ERCC4: variants seen among roughly 807,000 people sequenced by gnomAD.
ERCC4 encodes ERCC excision repair 4, endonuclease catalytic subunit, also known as DNA repair endonuclease XPF.
Under a neutral mutation model 76.9 loss-of-function variants are expected in ERCC4, and 65 were observed. The observed-to-expected ratio is 0.84, with a 90% CI of 0.69 to 1.04. The LOEUF (loss-of-function observed/expected upper bound fraction) is 1.04. ERCC4 is among the 50% of genes least tolerant of loss of function. The pLI, the probability that ERCC4 is intolerant of heterozygous loss-of-function variation, is 0.00. For missense variants in ERCC4, 1,214 were observed against 1,128.2 expected (o/e 1.08, Z -1.09); for synonymous variants, 463 against 410.1 (o/e 1.13, Z -1.56).
chr16:13,921,390 A>T (rs561415751), intron 1 of ERCC4, among the ~76,000 whole-genome samples: 16 of 152,290 alleles, frequency 1.1e-4, no homozygotes, highest in Admixed American at 4.6e-4. Context: ...GACAAGTCTG[A>T]TGATCCCCTA....
Position 13,935,746 on chromosome 16 carries a change from A to T in ERCC4, c.1811+3A>T. The stretch of plus-strand genomic sequence containing the variant: ...AGTAGGCCTGGGAAACCTCTGAGGC[A>T]AGTTATAAAGAATCACAGCTTTCAG... On this transcript the variant is annotated splice_donor_region_variant and intron_variant, in intron 8 of 10. Transcript: ENST00000311895. The T allele has an allele frequency of 6.3e-7, 1 of 1,597,578 alleles. No individual in the cohort carries two copies. The highest frequency in any genetic ancestry group is 8.6e-7 in the Non-Finnish European group (1 of 1,164,882).
Position 13,948,002 on chromosome 16 carries a change from G to A in ERCC4, c.2406G>A (p.Trp802Ter), listed in dbSNP as rs1331293169. 9 of 1,613,902 alleles carry A rather than the reference G, an allele frequency of 5.6e-6. No individual in the cohort carries two copies. Among genetic ancestry groups the A allele is most frequent in the African/African-American group, 5.3e-5 (4 of 74,844 alleles). The change falls in exon 11 of 11, where the codon TGG becomes TGA. Residue 802 changes from tryptophan to a stop codon, truncating the protein, a stop_gained. Coordinates refer to ENST00000311895, the MANE Select transcript of ERCC4 (RefSeq NM_005236.3). LOFTEE classifies it low-confidence loss of function (END_TRUNC). The part of the protein sequence containing the change: ...TLHFPRLRIL[W>*]CPSPHATAEL... ...ACTTCCCCAGACTACGGATTCTCTG[G>A]TGCCCCTCTCCTCATGCAACGGCGG...
At chr16:13,935,835 T>C in intron 8 of ERCC4, 92 bp downstream of exon 8, 1 of 954,426 alleles carries the variant, frequency 1.0e-6, no homozygotes, top group Non-Finnish European at 1.7e-6. Context: ...TTCTTTAATA[T>C]CCGTTACGAT....
chr16:13,924,571 G>T (rs542466420), intron 2 of ERCC4, among the ~76,000 whole-genome samples: 1 of 152,210 alleles, frequency 6.6e-6, no homozygotes, highest in African/African-American at 2.4e-5. Context: ...ACAGTATGGT[G>T]AACTCGTGAG....
Position 13,950,227 on chromosome 16 carries a change from C to T in ERCC4, c.*1880C>T, listed in dbSNP as rs112776898. On this transcript the variant is annotated 3_prime_UTR_variant, in exon 11 of 11. Coordinates refer to ENST00000311895, the MANE Select transcript of ERCC4 (RefSeq NM_005236.3). ...CCACCCACCTTGGCCTCCCAAAGTG[C>T]TGAGATAACAGGCGTGAGCCACCGC... 0.01 allele frequency: 1,974 copies of T among 189,232 alleles called. 46 individuals are homozygous for T. The highest frequency in any genetic ancestry group is 0.042 in the African/African-American group (1,802 of 42,986). The allele number at this position is 189,232 out of a possible 1,614,324, so 11.7% of individuals were successfully genotyped here. A position where few individuals can be genotyped will look rare whatever the true frequency, so the allele number is the denominator to read the frequency against.
chr16:13,926,799 A>G (rs1467808131), intron 3 of ERCC4, 43 bp downstream of exon 3: 2 of 1,465,242 alleles, frequency 1.4e-6, no homozygotes, highest in Admixed American at 3.3e-5. Flanking sequence ...ATTATTTGTC[A>G]TCTTTGTTTG....
intron 9 of ERCC4, among the ~76,000 whole-genome samples, chr16:13,938,562 A>G (rs1236650385): frequency 6.6e-6 from 1 of 152,218 alleles, no homozygotes; most frequent in Non-Finnish European, 1.5e-5. Flanking sequence ...AAGATGGGCC[A>G]GATAATCTCT....
At chr16:13,922,476 A>G in intron 2 of ERCC4, 2 of 755,182 alleles carry the variant, frequency 2.6e-6, no homozygotes, top group South Asian at 1.3e-5. Flanking sequence ...TTAGCTTCAC[A>G]TACATCTTGG....
At chr16:13,937,702 G>T in intron 8 of ERCC4, 64 bp from the exon 9 acceptor site, 1 of 970,052 alleles carries the variant, frequency 1.0e-6, no homozygotes, top group South Asian at 1.3e-5. Context: ...CACATGTTCT[G>T]CTGTTCCTTT....
chr16:13,935,764 G>A (rs367887000), intron 8 of ERCC4, 21 bp downstream of exon 8: 19 of 1,517,746 alleles, frequency 1.3e-5, no homozygotes, highest in Non-Finnish European at 1.7e-5. Flanking sequence ...AAGAATCACA[G>A]CTTTCAGTTG....
At position 13,932,034 on chromosome 16, in the gene ERCC4, G is replaced by T. The variant is rs1163766963; in HGVS notation, c.974-123G>T. On this transcript the variant is annotated intron_variant, in intron 5 of 10. Transcript: ENST00000311895. The stretch of plus-strand genomic sequence containing the variant: ...CAGCGACAGATCACAGTAGTGGGAG[G>T]CGGTGTGGTTGGTAGGAAGACAGGA... 4 of 840,804 alleles carry T rather than the reference G, an allele frequency of 4.8e-6. No individual in the cohort carries two copies. In the African/African-American group the frequency reaches 6.6e-5, roughly 14 times the overall value. The allele number at this position is 840,804 out of a possible 1,614,324, so 52.1% of individuals were successfully genotyped here.
rs577093457 is a variant in ERCC4, at chr16:13,923,214, A to G, written c.388+1003A>G. ...TATTACCCTGTATTTCTCCCCAGTC[A>G]TAGTGCTCACAACACTACATTATAT... On this transcript the variant is annotated intron_variant, in intron 2 of 10. Coordinates refer to ENST00000311895, the MANE Select transcript of ERCC4 (RefSeq NM_005236.3). Among the ~76,000 whole-genome samples the G allele has an allele frequency of 7.9e-5, 12 of 152,292 alleles. No homozygotes were observed. In the East Asian group the frequency reaches 2.1e-3, roughly 27 times the overall value.
intron 2 of ERCC4, among the ~76,000 whole-genome samples, chr16:13,925,447 C>T (rs2032054563): frequency 6.6e-6 from 1 of 152,062 alleles, no homozygotes; most frequent in Non-Finnish European, 1.5e-5. Context: ...TATTGAAAAT[C>T]CTTTGTCTAT....
In ERCC4 at chr16:13,935,420, A is replaced by T. The variant is rs146601373; in HGVS notation, c.1488A>T (p.Gln496His). Reference sequence around the variant, plus strand: ...AAAAACGGAAGTTGACCTTAACTCAAATGGTAGGAAAACCTGAAGAACTGG... The same window carrying T: ...AAAAACGGAAGTTGACCTTAACTCATATGGTAGGAAAACCTGAAGAACTGG... ...KKKKRKLTLT[Q>H]MVGKPEELEE... Residue 496 changes from glutamine (Q) to histidine (H), a missense_variant, in exon 8 of 11, where the codon CAA (glutamine) becomes CAT (histidine). Coordinates refer to ENST00000311895, the MANE Select transcript of ERCC4 (RefSeq NM_005236.3). The T allele has an allele frequency of 4.9e-4, 787 of 1,613,606 alleles. 1 individual carries two copies. The African/African-American group carries it at 8.7e-3, about 18-fold the overall frequency.
intron 2 of ERCC4, among the ~76,000 whole-genome samples, chr16:13,923,601 C>G (rs1001721762): frequency 2.0e-5 from 3 of 152,198 alleles, no homozygotes; most frequent in African/African-American, 7.2e-5. Flanking sequence ...GTTTTGAATG[C>G]TAACACCCTG....
chr16:13,943,346 C>T (rs2032451297), intron 9 of ERCC4, among the ~76,000 whole-genome samples: 1 of 152,120 alleles, frequency 6.6e-6, no homozygotes, highest in African/African-American at 2.4e-5. Context: ...GCTGGGGAGG[C>T]CTTGGGAAAC....
Position 13,920,388 on chromosome 16 carries a change from C to T in ERCC4, c.207+16C>T. 1 of 1,550,018 alleles carries T rather than the reference C, an allele frequency of 6.5e-7. No individual in the cohort carries two copies. Among genetic ancestry groups the T allele is most frequent in the Non-Finnish European group, 8.7e-7 (1 of 1,154,202 alleles). ...GGCCGAGGAGGTGCGGCCGCGCTGGCGCGGGAGTGAGGGGACTCCGAGAGT... is the reference window on the plus strand; with the variant it reads ...GGCCGAGGAGGTGCGGCCGCGCTGGTGCGGGAGTGAGGGGACTCCGAGAGT... On this transcript the variant is annotated intron_variant, in intron 1 of 10. Transcript: ENST00000311895.
At position 13,922,195 on chromosome 16, in the gene ERCC4, T is replaced by C. The variant is rs780096152; in HGVS notation, c.372T>C (p.Pro124=). 1 of 1,607,750 alleles carries C rather than the reference T, an allele frequency of 6.2e-7. No homozygotes were observed. The highest frequency in any genetic ancestry group is 1.7e-5 in the Admixed American group (1 of 59,974). ...TTGACTTCTTGACTGATAGAATACC[T>C]TCAGATTTAATTACTGGTAAGAATT... ...LVVDFLTDRI[P]SDLITGILVY... is the part of the protein sequence containing the mutation. The change falls in exon 2 of 11, where the codon CCT becomes CCC. Residue 124 remains proline, a synonymous_variant. Coordinates refer to ENST00000311895, the MANE Select transcript of ERCC4 (RefSeq NM_005236.3).
chr16:13,926,826 T>G, intron 3 of ERCC4, 70 bp downstream of exon 3: 2 of 1,197,702 alleles, frequency 1.7e-6, no homozygotes, highest in Non-Finnish European at 2.5e-6. Context: ...CTACTGTAAC[T>G]TAGTTGCACT....
Sources: gnomAD v4.1 joint callset for allele counts (sites outside exome capture counted in the v4.1 genomes callset) on GRCh38, gnomAD v4.1.1 for gene constraint, MANE v1.5 for transcripts, NCBI Gene and HGNC (gene_info 2026-07-23, HGNC 2026-07-21) for gene names.